The following GLB1L3 variants were observed in gnomAD, a reference collection of about 807,000 sequenced individuals.
GLB1L3 encodes galactosidase beta 1 like 3, also known as beta-galactosidase-1-like protein 3.
In GLB1L3, 89 loss-of-function variants were observed where a neutral mutation model predicts 89.5. That is an observed-to-expected ratio of 0.99 (90% CI 0.84 to 1.19). The LOEUF (loss-of-function observed/expected upper bound fraction) is 1.19. Ranked by LOEUF, GLB1L3 falls within the 50% of genes most tolerant of loss-of-function variation. GLB1L3 has a pLI of 0.00. For missense variants in GLB1L3, 812 were observed against 813.3 expected (o/e 1.00, Z 0.02); for synonymous variants, 314 against 312.3 (o/e 1.01, Z -0.06).
intron 5 of GLB1L3, among the ~76,000 whole-genome samples, chr11:134,283,334 G>T (rs1940802274): frequency 6.6e-6 from 1 of 152,124 alleles, no homozygotes; most frequent in African/African-American, 2.4e-5. Flanking sequence ...AAAGTGCTGG[G>T]ATTATAGGCA....
chr11:134,285,401 A>C (rs1412814928), intron 6 of GLB1L3, among the ~76,000 whole-genome samples: 1 of 152,184 alleles, frequency 6.6e-6, no homozygotes, highest in Non-Finnish European at 1.5e-5. Context: ...AATTTAAACA[A>C]CATAACTCTT....
chr11:134,311,868 C>G (rs1476207163), intron 13 of GLB1L3: 1 of 153,334 alleles, frequency 6.5e-6, no homozygotes, highest in Non-Finnish European at 1.5e-5. Flanking sequence ...ACAATCATGG[C>G]TCACTGCAGC....
intron 3 of GLB1L3, among the ~76,000 whole-genome samples, chr11:134,280,426 CTACTGGGTTCTCT>C (rs1327963891): frequency 6.6e-6 from 1 of 152,158 alleles, no homozygotes; most frequent in Non-Finnish European, 1.5e-5. Flanking sequence ...CATCTGTTGG[CTACTGGGTTCTCT>C]ATGTATTTAT....
At chr11:134,321,804 C>G (rs1222415455), downstream of GLB1L3, among the ~76,000 whole-genome samples, 1 of 151,696 alleles carries the variant, frequency 6.6e-6, no homozygotes, top group Admixed American at 6.6e-5. Flanking sequence ...AGCATTAGGA[C>G]ATACACCTAA....
rs763718847 is a variant in GLB1L3, at chr11:134,307,159, C to T, written c.912C>T (p.Val304=). The T allele has an allele frequency of 2.2e-5, 36 of 1,613,444 alleles. No individual in the cohort carries two copies. Among genetic ancestry groups the T allele is most frequent in the Middle Eastern group, 1.6e-4 (1 of 6,084 alleles). ...CCCTTCTGATTATGGAATACTGGGTCGGCTGGTTCGACAGATGGGGAGATA... is the reference window on the plus strand; with the variant it reads ...CCCTTCTGATTATGGAATACTGGGTTGGCTGGTTCGACAGATGGGGAGATA... ...DKPLLIMEYW[V]GWFDRWGDKH... Residue 304 remains valine (V), a synonymous_variant, in exon 10 of 20, where the codon GTC becomes GTT. Coordinates refer to ENST00000431683, the MANE Select transcript of GLB1L3 (RefSeq NM_001080407.3).
downstream of GLB1L3, among the ~76,000 whole-genome samples, chr11:134,323,404 C>CACACACACACACACACGT (rs1943189772): frequency 1.0e-5 from 1 of 99,890 alleles, no homozygotes; most frequent in Non-Finnish European, 2.5e-5. Context: ...CGTACACACA[C>CACACACACACACACACGT]ACACACACAC....
At chr11:134,320,347 A>G (rs1943149695), downstream of GLB1L3, among the ~76,000 whole-genome samples, 1 of 152,180 alleles carries the variant, frequency 6.6e-6, no homozygotes. Context: ...ACAATTCTAC[A>G]TAAAACTTTA....
chr11:134,276,501 A>C lies in GLB1L3; in HGVS notation c.-240A>C. The C allele has an allele frequency of 2.4e-5, 9 of 369,092 alleles. No individual in the cohort carries two copies. Among genetic ancestry groups the C allele is most frequent in the Non-Finnish European group, 3.4e-5 (7 of 208,262 alleles). 22.9% of individuals were successfully genotyped at this position (369,092 alleles called of 1,614,324 possible). ...GTCCGCGCCCGGACGCACTGCGGGA[A>C]CACCTGGAGCGCCGGCGGAGCTCGG... On this transcript the variant is annotated 5_prime_UTR_variant, in exon 1 of 20. Transcript: ENST00000431683.
downstream of GLB1L3, among the ~76,000 whole-genome samples, chr11:134,319,724 A>ATGTGTGTGTG (rs71464005): frequency 1.2e-4 from 16 of 128,284 alleles, no homozygotes; most frequent in African/African-American, 3.6e-4. Flanking sequence ...CTCTCTGTGT[A>ATGTGTGTGTG]TGTGTGTGTG....
Position 134,311,117 on chromosome 11 carries a change from G to A in GLB1L3, c.1234G>A (p.Val412Met), listed in dbSNP as rs775678330. The change falls in exon 13 of 20, where the codon GTG becomes ATG. Residue 412 changes from valine (V) to methionine (M), a missense_variant. Val to Met is a conservative substitution (Grantham distance 21, BLOSUM62 1). This residue lies in a region of GLB1L3 where 618 missense variants were observed against 604.0 expected (regional missense o/e 1.02). Coordinates refer to ENST00000431683, the MANE Select transcript of GLB1L3 (RefSeq NM_001080407.3). ...TCCTCCCAAGGCTGTGTATCCCCCC[G>A]TGAGACCGTCGCTGTACCTCCCGCT... ...KLPPKAVYPP[V>M]RPSLYLPLWD... 12 of 1,613,746 alleles carry A rather than the reference G, an allele frequency of 7.4e-6. No individual in the cohort carries two copies. Among genetic ancestry groups the A allele is most frequent in the Middle Eastern group, 3.3e-4 (2 of 6,084 alleles).
intron 18 of GLB1L3, among the ~76,000 whole-genome samples, chr11:134,315,314 T>C (rs2136231999): frequency 6.6e-6 from 1 of 152,354 alleles, no homozygotes; most frequent in Admixed American, 6.5e-5. Flanking sequence ...TGTTCATAAC[T>C]GAGATCTCTT....
chr11:134,286,129 A>C lies in GLB1L3; in HGVS notation c.636+2284A>C, dbSNP rs113125031. 9.4e-3 allele frequency among the ~76,000 whole-genome samples: 1,423 copies of C among 152,052 alleles called. 28 individuals are homozygous for C. The highest frequency in any genetic ancestry group is 0.032 in the African/African-American group (1,338 of 41,474). Reference sequence around the variant, plus strand: ...TCACCATGTTGCCCAGGCTGATCTCAAACTCTTGACCTCAGATGATCCATC... The same window carrying C: ...TCACCATGTTGCCCAGGCTGATCTCCAACTCTTGACCTCAGATGATCCATC... On this transcript the variant is annotated intron_variant, in intron 6 of 19. Transcript: ENST00000431683.
intron 10 of GLB1L3, among the ~76,000 whole-genome samples, chr11:134,308,652 T>TCACCAC (rs1555080609): frequency 2.8e-5 from 3 of 105,300 alleles, no homozygotes; most frequent in Admixed American, 9.1e-5. Context: ...ATCACCACCA[T>TCACCAC]CATCACCACC....
At chr11:134,314,952 C>T (rs1942916727) in intron 18 of GLB1L3, among the ~76,000 whole-genome samples, 1 of 152,132 alleles carries the variant, frequency 6.6e-6, no homozygotes, top group Non-Finnish European at 1.5e-5. Flanking sequence ...TACAGATCAA[C>T]AAATGATCAC....
chr11:134,287,856 A>G lies in GLB1L3; in HGVS notation c.637-942A>G, dbSNP rs540186571. On this transcript the variant is annotated intron_variant, in intron 6 of 19. Coordinates refer to ENST00000431683, the MANE Select transcript of GLB1L3 (RefSeq NM_001080407.3). ...GGGAACCTGCAAAGGAAAAGCTGAC[A>G]GTCATGCCTCTTCTCCTTCCTTAGT... Among the ~76,000 whole-genome samples the G allele has an allele frequency of 1.2e-4, 18 of 152,332 alleles. No homozygotes were observed. In the East Asian group the frequency reaches 3.1e-3, roughly 26 times the overall value.
chr11:134,302,682 T>C (rs1316543321), intron 9 of GLB1L3, among the ~76,000 whole-genome samples: 1 of 152,216 alleles, frequency 6.6e-6, no homozygotes, highest in East Asian at 1.9e-4. Context: ...GTTAGATTCA[T>C]TTGTTTTCAA....
chr11:134,287,438 A>G (rs1941080236), intron 6 of GLB1L3: 1 of 152,232 alleles, frequency 6.6e-6, no homozygotes, highest in African/African-American at 2.4e-5. Context: ...TTATTGTTTT[A>G]ATTATTATGT....
At chr11:134,296,360 A>G (rs1941638545) in intron 9 of GLB1L3, among the ~76,000 whole-genome samples, 1 of 137,954 alleles carries the variant, frequency 7.2e-6, no homozygotes, top group Admixed American at 7.6e-5. Flanking sequence ...CCAAAGGACT[A>G]TAAATCATGC....
At chr11:134,289,256 T>C (rs1941201580) in intron 7 of GLB1L3, among the ~76,000 whole-genome samples, 1 of 152,132 alleles carries the variant, frequency 6.6e-6, no homozygotes, top group South Asian at 2.1e-4. Flanking sequence ...GACTTCTCAT[T>C]AAGCAGAAAT....
Sources: allele counts gnomAD v4.1 joint callset (sites outside exome capture counted in the v4.1 genomes callset), GRCh38; gene constraint gnomAD v4.1.1; regional missense constraint gnomAD v4.1.1; transcripts MANE v1.5; gene names NCBI Gene and HGNC (gene_info 2026-07-23, HGNC 2026-07-21).